The following GFRA3 variants were observed in gnomAD, a reference collection of about 807,000 sequenced individuals.
GFRA3 encodes the protein GDNF family receptor alpha 3, also known as GDNF family receptor alpha-3.
A neutral mutation model predicts 40.0 loss-of-function variants in GFRA3; 24 were observed. That is an observed-to-expected ratio of 0.60 (90% confidence interval 0.43 to 0.84). The LOEUF (loss-of-function observed/expected upper bound fraction) is 0.84. Among genes scored for constraint, GFRA3 ranks in the 40% least tolerant of loss-of-function variants. GFRA3 has a pLI of 0.00. For synonymous variants in GFRA3, 203 were observed against 213.5 expected (o/e 0.95, Z 0.43); for missense variants, 405 against 530.6 (o/e 0.76, Z 2.33).
intron 1 of GFRA3, among the ~76,000 whole-genome samples, chr5:138,273,783 CT>C (rs1318791165): frequency 6.6e-6 from 1 of 152,194 alleles, no homozygotes; most frequent in Non-Finnish European, 1.5e-5. Context: ...TACAAAACAT[CT>C]ATTGTGGATT....
At chr5:138,262,842 G>A (rs765480240) in intron 2 of GFRA3, among the ~76,000 whole-genome samples, 5 of 152,108 alleles carry the variant, frequency 3.3e-5, no homozygotes, top group Non-Finnish European at 5.9e-5. Context: ...GGAAGCAGAT[G>A]ACTTGTCTTT....
intron 2 of GFRA3, among the ~76,000 whole-genome samples, chr5:138,263,539 G>C (rs1475056427): frequency 6.6e-6 from 1 of 152,180 alleles, no homozygotes; most frequent in African/African-American, 2.4e-5. Context: ...AGCAGACGTA[G>C]TGTATATAAG....
chr5:138,269,948 C>T (rs1392358868), intron 1 of GFRA3, among the ~76,000 whole-genome samples: 1 of 151,898 alleles, frequency 6.6e-6, no homozygotes, highest in Non-Finnish European at 1.5e-5. Flanking sequence ...AAGATACTTG[C>T]ACACTCATGT....
rs1755571093 is a variant in GFRA3 at position 138,253,006 on chromosome 5, A to C, written c.1165T>G (p.Cys389Gly). 1.2e-6 allele frequency: 2 copies of C among 1,610,072 alleles called. No homozygotes were observed. The highest frequency in any genetic ancestry group is 1.7e-6 in the Non-Finnish European group (2 of 1,176,532). Residue 389 changes from cysteine (C) to glycine (G), a missense_variant, in exon 8 of 8, where the codon TGC becomes GGC. By Grantham distance (159) the Cys-to-Gly change is radical. Transcript: ENST00000274721. ...PQPWVPSLFS[C>G]TLPLILLLSL... ...AGGAGCAGAATCAAGGGAAGCGTGCAGGAGAAAAGAGAGGGCACCCAGGGC... is the reference window on the plus strand; with the variant it reads ...AGGAGCAGAATCAAGGGAAGCGTGCCGGAGAAAAGAGAGGGCACCCAGGGC...
chr5:138,260,716 C>G (rs1755697606), intron 2 of GFRA3, among the ~76,000 whole-genome samples: 2 of 151,916 alleles, frequency 1.3e-5, no homozygotes, highest in Non-Finnish European at 2.9e-5. Context: ...CTGCAGTGAG[C>G]CAAGATCATG....
Position 138,269,158 on chromosome 5 carries a change from C to T in GFRA3, c.92-4610G>A, listed in dbSNP as rs192911192. On this transcript the variant is annotated intron_variant, in intron 1 of 7. Coordinates refer to ENST00000274721, the MANE Select transcript of GFRA3 (RefSeq NM_001496.4). Reference sequence around the variant, plus strand: ...AAAACAGTAGATGTTGGCATGGATGCGGTGATCAGGGAACACTTCTACACT... The same window carrying T: ...AAAACAGTAGATGTTGGCATGGATGTGGTGATCAGGGAACACTTCTACACT... Among the ~76,000 whole-genome samples, 42 of 152,188 alleles carry T rather than the reference C, an allele frequency of 2.8e-4. No individual in the cohort carries two copies. In the East Asian group the frequency reaches 7.5e-3, roughly 27 times the overall value.
rs769170800 is a variant in GFRA3, at chr5:138,252,944, G to A, written c.*24C>T. ...AAGTCCACCTGGGTGTGGTGGAGGGGAAGAGGGCCCTGGGGAAGTCCAGCT... is the reference window on the plus strand; with the variant it reads ...AAGTCCACCTGGGTGTGGTGGAGGGAAAGAGGGCCCTGGGGAAGTCCAGCT... On this transcript the variant is annotated 3_prime_UTR_variant, in exon 8 of 8. Coordinates refer to ENST00000274721, the MANE Select transcript of GFRA3 (RefSeq NM_001496.4). The A allele has an allele frequency of 7.4e-7, 1 of 1,354,650 alleles. No homozygotes were observed. Among genetic ancestry groups the A allele is most frequent in the Non-Finnish European group, 1.1e-6 (1 of 944,662 alleles). The allele number at this position is 1,354,650 out of a possible 1,614,324, so 83.9% of individuals were successfully genotyped here.
rs1284025861 is a variant in GFRA3, at chr5:138,259,593, T to C, written c.436A>G (p.Lys146Glu). 1.8e-5 allele frequency: 28 copies of C among 1,574,434 alleles called. No individual in the cohort carries two copies. Among genetic ancestry groups the C allele is most frequent in the Non-Finnish European group, 2.4e-5 (28 of 1,143,740 alleles). ...ATGTTCAGTTTGCTGAGATTCATTT[T>C]CCAGGGTTTGCTGGTCACTGTGTCT... ...YEDTVTSKPW[K>E]MNLSKLNMLK... Residue 146 changes from lysine to glutamate, a missense_variant, in exon 3 of 8, where the codon AAA (lysine) becomes GAA (glutamate). Lys to Glu is a moderately conservative substitution (Grantham distance 56). Transcript: ENST00000274721.
At chr5:138,258,073 G>A (rs1755658841) in intron 3 of GFRA3, 122 bp from the exon 4 acceptor site, 3 of 771,084 alleles carry the variant, frequency 3.9e-6, no homozygotes, top group Non-Finnish European at 2.2e-6. Context: ...AGGAAAAGAA[G>A]GCCTGTCATG....
intron 1 of GFRA3, among the ~76,000 whole-genome samples, chr5:138,271,907 T>G (rs535190291): frequency 0.12 from 11,527 of 97,820 alleles, 540 homozygotes; most frequent in Non-Finnish European, 0.16. Flanking sequence ...TTTTTTTTTT[T>G]TTTTTTTGTG....
chr5:138,266,766 C>T (rs1001965503), intron 1 of GFRA3, among the ~76,000 whole-genome samples: 17 of 152,088 alleles, frequency 1.1e-4, no homozygotes, highest in Admixed American at 1.0e-3. Context: ...CTTGCAACCT[C>T]TGCCTCCTGG....
chr5:138,262,807 C>T (rs1204671366), intron 2 of GFRA3, among the ~76,000 whole-genome samples: 18 of 151,858 alleles, frequency 1.2e-4, no homozygotes, highest in Admixed American at 9.8e-4. Flanking sequence ...GACCCTGTTC[C>T]GTTATTATAT....
chr5:138,266,130 C>T (rs1255764536), intron 1 of GFRA3, among the ~76,000 whole-genome samples: 1 of 152,172 alleles, frequency 6.6e-6, no homozygotes, highest in Non-Finnish European at 1.5e-5. Flanking sequence ...CTTTGATGAA[C>T]ATTTCATGTA....
chr5:138,272,877 T>C (rs1003420532), intron 1 of GFRA3, among the ~76,000 whole-genome samples: 3 of 152,142 alleles, frequency 2.0e-5, no homozygotes, highest in African/African-American at 4.8e-5. Context: ...GTTTTGTAAC[T>C]TTGTTTTCTG....
At chr5:138,259,376 C>T (rs1755680496) in intron 3 of GFRA3, among the ~76,000 whole-genome samples, 181 bp downstream of exon 3, 1 of 152,150 alleles carries the variant, frequency 6.6e-6, no homozygotes, top group African/African-American at 2.4e-5. Flanking sequence ...CTTTGGAGAC[C>T]CCTGTGAGAC....
At position 138,263,587 on chromosome 5, in the gene GFRA3, G is replaced by A. The variant is rs1581511137; in HGVS notation, c.379+674C>T. Among the ~76,000 whole-genome samples, 3 of 152,304 alleles carry A rather than the reference G, an allele frequency of 2.0e-5. No individual in the cohort carries two copies. The South Asian group carries it at 6.2e-4, about 32-fold the overall frequency. On this transcript the variant is annotated intron_variant, in intron 2 of 7. Transcript: ENST00000274721. Reference sequence around the variant, plus strand: ...ACTTTAAAAATCATCATGTGGTTCTGCCAATGCTCATTTCCTTCTGCCACG... The same window carrying A: ...ACTTTAAAAATCATCATGTGGTTCTACCAATGCTCATTTCCTTCTGCCACG...
intron 2 of GFRA3, among the ~76,000 whole-genome samples, chr5:138,263,772 A>C (rs1221927237): frequency 6.6e-6 from 1 of 152,178 alleles, no homozygotes; most frequent in Non-Finnish European, 1.5e-5. Context: ...GCTGACTAAT[A>C]AGGGGCCTAT....
chr5:138,274,360 G>C lies in GFRA3; in HGVS notation c.65C>G (p.Pro22Arg), dbSNP rs759658547. The stretch of plus-strand genomic sequence containing the variant: ...GGCTGCGAGAGGCAGCGGCGACGGC[G>C]GCAGCAGCAGCAGCAACATCAGGAC... Reference protein sequence around the residue: ...PVVLMLLLLLPPSPLPLAAGD... With the variant: ...PVVLMLLLLLRPSPLPLAAGD... Residue 22 changes from proline to arginine, a missense_variant, in exon 1 of 8, where the codon CCG becomes CGG. Coordinates refer to ENST00000274721, the MANE Select transcript of GFRA3 (RefSeq NM_001496.4). The C allele has an allele frequency of 9.7e-6, 13 of 1,334,894 alleles. No individual in the cohort carries two copies. Among genetic ancestry groups the C allele is most frequent in the Non-Finnish European group, 1.3e-5 (13 of 1,038,508 alleles). 82.7% of individuals were successfully genotyped at this position (1,334,894 alleles called of 1,614,324 possible).
At chr5:138,268,640 C>T (rs1561653484) in intron 1 of GFRA3, among the ~76,000 whole-genome samples, 1 of 152,114 alleles carries the variant, frequency 6.6e-6, no homozygotes. Context: ...CCCGTAATTG[C>T]AGCACTTTGG....
Sources: gnomAD v4.1 joint callset for allele counts (sites outside exome capture counted in the v4.1 genomes callset) on GRCh38, gnomAD v4.1.1 for gene constraint, MANE v1.5 for transcripts, NCBI Gene and HGNC (gene_info 2026-07-23, HGNC 2026-07-21) for gene names.